LCN12: variants seen among roughly 807,000 people sequenced by gnomAD.
LCN12 encodes epididymal-specific lipocalin-12.
In LCN12, 15 loss-of-function variants were observed where a neutral mutation model predicts 23.7. The ratio of observed to expected loss-of-function variants is 0.63; its 90% confidence interval spans 0.42 to 0.97. LCN12 has a LOEUF of 0.97. LCN12 is among the 50% of genes least tolerant of loss of function. The pLI is 0.00. For missense variants in LCN12, 219 were observed against 249.6 expected (o/e 0.88, Z 0.83); for synonymous variants, 116 against 111.5 (o/e 1.04, Z -0.25).
At chr9:136,950,262 TG>T (rs1219126008), upstream of LCN12, among the ~76,000 whole-genome samples, 10 of 151,934 alleles carry the variant, frequency 6.6e-5, no homozygotes, top group Non-Finnish European at 1.2e-4. Flanking sequence ...GCAGGGGACG[TG>T]GGGGGCACAG....
In LCN12 at chr9:136,955,107, T is replaced by C; in HGVS notation, c.551-264T>C. 2.8e-6 allele frequency: 4 copies of C among 1,414,748 alleles called. No homozygotes were observed. The South Asian group carries it at 6.2e-5, about 22-fold the overall frequency. 87.6% of individuals were successfully genotyped at this position (1,414,748 alleles called of 1,614,324 possible). A position where few individuals can be genotyped will look rare whatever the true frequency, so the allele number is the denominator to read the frequency against. The stretch of plus-strand genomic sequence containing the variant: ...CCAGGCCTCCTGGGTCTGCAGTGAG[T>C]CTGGGGGCCCATGGGGACAGGGACA... On this transcript the variant is annotated intron_variant, in intron 5 of 5. Transcript: ENST00000371633.
At chr9:136,949,673 G>A (rs946568651), upstream of LCN12, 4 of 152,782 alleles carry the variant, frequency 2.6e-5, no homozygotes, top group African/African-American at 9.6e-5. Context: ...TGGAGGGTAA[G>A]TCTGTCCTTG....
Position 136,955,372 on chromosome 9 carries a change from C to T in LCN12, c.552C>T (p.Gly184=), listed in dbSNP as rs575256551. Residue 184 remains glycine (G), a splice_region_variant and synonymous_variant, in exon 6 of 6, where the codon GGC becomes GGT. Transcript: ENST00000371633. ...TCCCGACTCCATCTCCCCCACCAGG[C>T]TGGTCACCCCAGGCCAGCGTCTGTT... The part of the protein sequence containing the change: ...DDNIVFPDVT[G]WSPQASVC 2 of 1,613,250 alleles carry T rather than the reference C, an allele frequency of 1.2e-6. No individual in the cohort carries two copies.
upstream of LCN12, among the ~76,000 whole-genome samples, chr9:136,949,980 G>A (rs979301128): frequency 1.4e-5 from 2 of 144,500 alleles, no homozygotes; most frequent in Non-Finnish European, 3.1e-5. Context: ...TGCCGCGCCC[G>A]GCCCGCCCAC....
upstream of LCN12, chr9:136,949,417 GC>G (rs1409208981): frequency 6.6e-6 from 1 of 152,116 alleles, no homozygotes; most frequent in Non-Finnish European, 1.5e-5. Context: ...CAGGTGCCGT[GC>G]CCGTCCTCCC....
At chr9:136,950,211 A>G (rs1001110918), upstream of LCN12, among the ~76,000 whole-genome samples, 5 of 151,934 alleles carry the variant, frequency 3.3e-5, no homozygotes, top group Admixed American at 2.6e-4. Context: ...CGGTGGGGGG[A>G]GGAGGCGCGC....
chr9:136,955,305 C>A, intron 5 of LCN12, 66 bp from the exon 6 acceptor site: 1 of 1,571,110 alleles, frequency 6.4e-7, no homozygotes. Context: ...CCCTCCCTTG[C>A]TTCCTCCTGG....
chr9:136,952,456 A>G lies in LCN12; in HGVS notation c.114+15A>G. On this transcript the variant is annotated intron_variant, in intron 1 of 5. Coordinates refer to ENST00000371633, the MANE Select transcript of LCN12 (RefSeq NM_178536.4). ...AAGGAAACCAGGTACAGGGGTTTTG[A>G]CGGAAGGAGAAGCAGCCGGCTGGGT... The G allele has an allele frequency of 6.4e-7, 1 of 1,564,194 alleles. No individual in the cohort carries two copies. Among genetic ancestry groups the G allele is most frequent in the Non-Finnish European group, 8.8e-7 (1 of 1,137,832 alleles).
intron 2 of LCN12, 178 bp downstream of exon 2, chr9:136,953,206 G>T: frequency 2.5e-6 from 2 of 789,214 alleles, no homozygotes; most frequent in Non-Finnish European, 4.0e-6. Context: ...AGCTGGGCGC[G>T]CTGGCTCACA....
downstream of LCN12, among the ~76,000 whole-genome samples, chr9:136,956,157 G>A (rs921403633): frequency 6.6e-6 from 1 of 151,912 alleles, no homozygotes; most frequent in Non-Finnish European, 1.5e-5. Context: ...TCAGCCCTCC[G>A]ATGTCTGTGT....
Position 136,953,858 on chromosome 9 carries a change from G to T in LCN12, c.342G>T (p.Ala114=). The change falls in exon 4 of 6, where the codon GCG becomes GCT. Residue 114 remains alanine (A), a synonymous_variant. Coordinates refer to ENST00000371633, the MANE Select transcript of LCN12 (RefSeq NM_178536.4). Reference sequence around the variant, plus strand: ...TCTGTGCCGCCTCAGAGCCCGGGGCGGACAGAGAGGAGACCCGGGTGGTGG... The same window carrying T: ...TCTGTGCCGCCTCAGAGCCCGGGGCTGACAGAGAGGAGACCCGGGTGGTGG... ...FTVDHGVEPG[A]DREETRVVDS... 1 of 1,600,952 alleles carries T rather than the reference G, an allele frequency of 6.2e-7. No individual in the cohort carries two copies. Among genetic ancestry groups the T allele is most frequent in the Non-Finnish European group, 8.5e-7 (1 of 1,174,314 alleles).
At chr9:136,954,082 C>G (rs1588475369) in intron 4 of LCN12, 72 bp from the exon 5 acceptor site, 2 of 1,518,240 alleles carry the variant, frequency 1.3e-6, no homozygotes, top group East Asian at 4.8e-5. Context: ...ACAGATAGTT[C>G]AATCTCCCAC....
chr9:136,952,507 T>C, intron 1 of LCN12, 66 bp downstream of exon 1: 1 of 1,161,534 alleles, frequency 8.6e-7, no homozygotes, highest in South Asian at 1.4e-5. Context: ...GGCTGGTGGC[T>C]GAGCAGGCCT....
upstream of LCN12, among the ~76,000 whole-genome samples, chr9:136,951,682 C>T (rs1851155503): frequency 6.6e-6 from 1 of 152,252 alleles, no homozygotes; most frequent in Non-Finnish European, 1.5e-5. Flanking sequence ...CACCAGGTTG[C>T]CTGGGTGCTC....
At chr9:136,952,271 T>TC, upstream of LCN12, 2 of 1,284,014 alleles carry the variant, frequency 1.6e-6, no homozygotes, top group Non-Finnish European at 2.2e-6. Flanking sequence ...GGTCTCTGGG[T>TC]CACCTGCCCA....
chr9:136,953,435 G>C (rs1851223223), intron 2 of LCN12: 1 of 476,308 alleles, frequency 2.1e-6, no homozygotes, highest in Non-Finnish European at 3.8e-6. Context: ...GCGCACACCT[G>C]TAATCCCAGC....
At chr9:136,952,220 C>T, upstream of LCN12, 2 of 796,606 alleles carry the variant, frequency 2.5e-6, no homozygotes, top group East Asian at 2.7e-5. Context: ...GGGCACACCC[C>T]CTTGGGAGGG....
chr9:136,953,469 C>T (rs766026227), intron 2 of LCN12: 30 of 515,958 alleles, frequency 5.8e-5, no homozygotes, highest in African/African-American at 1.4e-4. Flanking sequence ...GGCGCAGTGG[C>T]GCACACCTGT....
intron 1 of LCN12, 86 bp downstream of exon 1, chr9:136,952,527 GC>G: frequency 1.0e-6 from 1 of 958,532 alleles, no homozygotes; most frequent in Non-Finnish European, 1.6e-6. Context: ...TGGGGATGCT[GC>G]CCAGAGAGCC....
Sources: gnomAD v4.1 joint callset for allele counts (sites outside exome capture counted in the v4.1 genomes callset) on GRCh38, gnomAD v4.1.1 for gene constraint, MANE v1.5 for transcripts, NCBI Gene and HGNC (gene_info 2026-07-23, HGNC 2026-07-21) for gene names.